The following ZNF385C variants were observed in gnomAD, a reference collection of about 807,000 sequenced individuals.
ZNF385C encodes zinc finger protein 385C.
ZNF385C carries 28 observed loss-of-function variants against 35.4 expected under a neutral mutation model. The ratio of observed to expected loss-of-function variants is 0.79; its 90% CI spans 0.59 to 1.08. The LOEUF (loss-of-function observed/expected upper bound fraction) is 1.08, where lower values mean the gene tolerates loss of function less well. Ranked by LOEUF, ZNF385C falls within the 50% of genes least tolerant of loss-of-function variation. The pLI, the probability that ZNF385C is intolerant of heterozygous loss-of-function variation, is 0.00. For missense variants in ZNF385C, 605 were observed against 595.6 expected (o/e 1.02, Z -0.16); for synonymous variants, 248 against 248.2 (o/e 1.00, Z 0.01).
intron 6 of ZNF385C, 61 bp downstream of exon 6, chr17:42,028,722 C>A: frequency 6.7e-7 from 1 of 1,501,922 alleles, no homozygotes; most frequent in Non-Finnish European, 8.9e-7. Flanking sequence ...CTGCCCTCAT[C>A]TGGCGAGGCT....
rs547496515 is a variant in ZNF385C at position 42,090,807 on chromosome 17, G to A, written c.-3+7603C>T. 1.4e-3 allele frequency among the ~76,000 whole-genome samples: 215 copies of A among 151,774 alleles called. 1 individual carries two copies. Among genetic ancestry groups the A allele is most frequent in the African/African-American group, 4.8e-3 (200 of 41,432 alleles). On this transcript the variant is annotated intron_variant, in intron 1 of 8. Transcript: ENST00000692273. Reference sequence around the variant, plus strand: ...TGAGGCAGGAGAATGGCGTGAACCCGGAAGGCGGAGCTTGCAGTGAGCCGA... The same window carrying A: ...TGAGGCAGGAGAATGGCGTGAACCCAGAAGGCGGAGCTTGCAGTGAGCCGA...
intron 2 of ZNF385C, among the ~76,000 whole-genome samples, chr17:42,052,387 A>T (rs118013243): frequency 2.4e-3 from 369 of 152,084 alleles, no homozygotes; most frequent in South Asian, 0.014. Flanking sequence ...GGCCCATATC[A>T]CCCATGGATA....
intron 1 of ZNF385C, among the ~76,000 whole-genome samples, chr17:42,085,393 T>C (rs2053795267): frequency 6.6e-6 from 1 of 151,616 alleles, no homozygotes; most frequent in African/African-American, 2.4e-5. Context: ...CTCAGCCTCC[T>C]GAGCAGCTGG....
intron 2 of ZNF385C, among the ~76,000 whole-genome samples, chr17:42,053,990 AGCGTCGTTCCTG>A (rs1249732430): frequency 6.6e-6 from 1 of 152,188 alleles, no homozygotes; most frequent in Non-Finnish European, 1.5e-5. Context: ...CCTGGAAAGC[AGCGTCGTTCCTG>A]GGCCCTGTCT....
chr17:42,069,041 CATCT>C (rs1202618662), intron 1 of ZNF385C, among the ~76,000 whole-genome samples: 1 of 152,206 alleles, frequency 6.6e-6, no homozygotes, highest in Non-Finnish European at 1.5e-5. Flanking sequence ...TGTACCCATC[CATCT>C]GTCTGTCTGT....
chr17:42,098,075 A>G (rs1378733375), intron 1 of ZNF385C, among the ~76,000 whole-genome samples: 1 of 152,152 alleles, frequency 6.6e-6, no homozygotes, highest in Non-Finnish European at 1.5e-5. Context: ...CTCTCAGTCA[A>G]CGAGGTTCCT....
chr17:42,039,164 T>G (rs1483875255), intron 2 of ZNF385C: 1 of 151,934 alleles, frequency 6.6e-6, no homozygotes, highest in Admixed American at 6.6e-5. Flanking sequence ...GGCAGGAGAA[T>G]TGCTTGAACC....
chr17:42,074,263 G>A (rs61292858), intron 1 of ZNF385C, among the ~76,000 whole-genome samples: 13,368 of 152,248 alleles, frequency 0.088, 686 homozygotes, highest in African/African-American at 0.14. Context: ...CTTAATAGAT[G>A]CTCAATAAAT....
chr17:42,096,784 TGGGCGG>T (rs1555660985), intron 1 of ZNF385C, among the ~76,000 whole-genome samples: 1 of 151,810 alleles, frequency 6.6e-6, no homozygotes, highest in Non-Finnish European at 1.5e-5. Flanking sequence ...GTCCCTGCCT[TGGGCGG>T]GGGCGGGGGG....
At chr17:42,064,104 A>ACCCT (rs1555658283) in intron 1 of ZNF385C, among the ~76,000 whole-genome samples, 1 of 150,522 alleles carries the variant, frequency 6.6e-6, no homozygotes, top group African/African-American at 2.5e-5. Context: ...ACACACACAC[A>ACCCT]CACACACACA....
intron 2 of ZNF385C, among the ~76,000 whole-genome samples, chr17:42,053,578 C>T (rs1262111864): frequency 6.6e-6 from 1 of 152,194 alleles, no homozygotes; most frequent in East Asian, 1.9e-4. Context: ...ATGTCCAGCA[C>T]CCCTGTTTCC....
At chr17:42,077,362 T>C (rs2053696738) in intron 1 of ZNF385C, among the ~76,000 whole-genome samples, 1 of 152,154 alleles carries the variant, frequency 6.6e-6, no homozygotes. Context: ...GGGGCATTAT[T>C]AATTAGGTGT....
chr17:42,097,797 GCT>G (rs1213896899), intron 1 of ZNF385C, among the ~76,000 whole-genome samples: 3 of 152,192 alleles, frequency 2.0e-5, no homozygotes, highest in Non-Finnish European at 4.4e-5. Flanking sequence ...TCCCCAGCCG[GCT>G]CTGTGACACA....
At chr17:42,071,671 T>C (rs73309800) in intron 1 of ZNF385C, among the ~76,000 whole-genome samples, 7,996 of 152,282 alleles carry the variant, frequency 0.053, 316 homozygotes, top group African/African-American at 0.11. Flanking sequence ...AAATCTGACC[T>C]ATTGCCCTGT....
At chr17:42,069,545 C>T (rs1482841014) in intron 1 of ZNF385C, among the ~76,000 whole-genome samples, 3 of 152,342 alleles carry the variant, frequency 2.0e-5, no homozygotes, top group East Asian at 1.9e-4. Flanking sequence ...GAGGAAGGTT[C>T]GAGACCTGTC....
At chr17:42,087,880 G>A (rs1555660229) in intron 1 of ZNF385C, among the ~76,000 whole-genome samples, 2 of 152,144 alleles carry the variant, frequency 1.3e-5, no homozygotes, top group African/African-American at 4.8e-5. Flanking sequence ...AAATTTTGAT[G>A]TCCTTTTGCA....
intron 2 of ZNF385C, among the ~76,000 whole-genome samples, chr17:42,052,591 C>T (rs577850643): frequency 5.3e-4 from 81 of 152,308 alleles, no homozygotes; most frequent in African/African-American, 1.9e-3. Context: ...CACAGATGGG[C>T]ACGAGCAACA....
At chr17:42,053,923 AAGGGGGGGATGTGAGGGACAGG>A (rs2053329627) in intron 2 of ZNF385C, among the ~76,000 whole-genome samples, 1 of 151,916 alleles carries the variant, frequency 6.6e-6, no homozygotes, top group African/African-American at 2.4e-5. Flanking sequence ...TGACAGAGGG[AAGGGGGGGATGTGAGGGACAGG>A]AGGGGAGGGC....
intron 8 of ZNF385C, 47 bp from the exon 9 acceptor site, chr17:42,027,180 C>T (rs1555654300): frequency 6.4e-7 from 1 of 1,554,668 alleles, no homozygotes; most frequent in South Asian, 1.1e-5. Context: ...CCCAGAAAAC[C>T]CCACCCCCTC....
Sources: allele counts gnomAD v4.1 joint callset (sites outside exome capture counted in the v4.1 genomes callset), GRCh38; gene constraint gnomAD v4.1.1; transcripts MANE v1.5; gene names NCBI Gene and HGNC (gene_info 2026-07-23, HGNC 2026-07-21).